PRKACB: variants seen among roughly 807,000 people sequenced by gnomAD.
PRKACB encodes the protein cAMP-dependent protein kinase catalytic subunit beta.
In PRKACB, 16 loss-of-function variants were observed where a neutral mutation model predicts 51.4. That is an observed-to-expected ratio of 0.31 (90% CI 0.21 to 0.47). The LOEUF is 0.47. Among genes scored for constraint, PRKACB ranks in the 20% least tolerant of loss-of-function variants. The pLI, the probability that PRKACB is intolerant of heterozygous loss-of-function variation, is 1.00. For synonymous variants in PRKACB, 147 were observed against 154.4 expected, an observed-to-expected ratio of 0.95 and a Z score of 0.35; for missense variants, 309 against 464.5, an observed-to-expected ratio of 0.67 and a Z score of 3.08.
chr1:84,098,265 A>T (rs2100798135), intron 1 of PRKACB, among the ~76,000 whole-genome samples: 1 of 152,204 alleles, frequency 6.6e-6, no homozygotes, highest in East Asian at 1.9e-4. Flanking sequence ...ATAAATAAAA[A>T]TATTTTCTCC....
At chr1:84,168,986 A>G (rs1432211367) in intron 1 of PRKACB, among the ~76,000 whole-genome samples, 2 of 151,630 alleles carry the variant, frequency 1.3e-5, no homozygotes, top group Non-Finnish European at 3.0e-5. Flanking sequence ...TAATGTAAAT[A>G]TGTGTACGCT....
chr1:84,184,180 T>G (rs758376265), intron 4 of PRKACB, 45 bp downstream of exon 4: 2 of 1,518,570 alleles, frequency 1.3e-6, no homozygotes, highest in Non-Finnish European at 1.8e-6. Context: ...AACCTAAATT[T>G]TTTTTAAGAT....
intron 1 of PRKACB, among the ~76,000 whole-genome samples, chr1:84,168,151 A>G (rs370971958): frequency 6.6e-6 from 1 of 151,634 alleles, no homozygotes; most frequent in African/African-American, 2.4e-5. Context: ...AGAGGATGTC[A>G]TGGAGCTCAA....
chr1:84,219,692 T>G (rs969924102), intron 9 of PRKACB, among the ~76,000 whole-genome samples: 1 of 151,344 alleles, frequency 6.6e-6, no homozygotes. Flanking sequence ...TTCCGCACCA[T>G]GTATTGAAGA....
chr1:84,190,189 A>G (rs956853858), intron 5 of PRKACB, among the ~76,000 whole-genome samples: 2 of 151,974 alleles, frequency 1.3e-5, no homozygotes, highest in African/African-American at 4.8e-5. Context: ...GAACTTAAGA[A>G]CCCAATAAGG....
At chr1:84,226,673 G>T (rs763000244) in intron 9 of PRKACB, among the ~76,000 whole-genome samples, 5 of 151,954 alleles carry the variant, frequency 3.3e-5, no homozygotes, top group African/African-American at 4.8e-5. Context: ...CATTTTGTCT[G>T]TTCCTTTTCA....
rs376585416 is a variant in PRKACB at position 84,211,457 on chromosome 1, T to C, written c.907-2696T>C. Reference sequence around the variant, plus strand: ...TGAGCTAATATACCCACTGGAAAAATGTCATGTTATTTTTAAAGTAGACAG... The same window carrying C: ...TGAGCTAATATACCCACTGGAAAAACGTCATGTTATTTTTAAAGTAGACAG... On this transcript the variant is annotated intron_variant, in intron 8 of 9. Transcript: ENST00000370685. Among the ~76,000 whole-genome samples the C allele has an allele frequency of 2.0e-5, 3 of 152,220 alleles. No individual in the cohort carries two copies. The East Asian group carries it at 5.8e-4, about 29-fold the overall frequency.
rs575077092 is a variant in PRKACB at position 84,153,988 on chromosome 1, C to T, written c.187+9440C>T. On this transcript the variant is annotated intron_variant, in intron 1 of 9. Transcript: ENST00000370685. The stretch of plus-strand genomic sequence containing the variant: ...CTGTACTAATGTATATTCTCACCAA[C>T]AGTGTGCAAGGGTTCTGTTTTCTCC... 7.9e-5 allele frequency among the ~76,000 whole-genome samples: 12 copies of T among 152,206 alleles called. 1 individual carries two copies. Among genetic ancestry groups the T allele is most frequent in the African/African-American group, 2.6e-4 (11 of 41,544 alleles).
chr1:84,164,312 A>G (rs1656709998), intron 1 of PRKACB: 1 of 1,530,188 alleles, frequency 6.5e-7, no homozygotes, highest in South Asian at 1.2e-5. Context: ...AGCACACAGC[A>G]TTTTAATATC....
intron 1 of PRKACB, among the ~76,000 whole-genome samples, chr1:84,128,230 T>G (rs6576960): frequency 0.5 from 74,854 of 151,186 alleles, 18,984 homozygotes; most frequent in Non-Finnish European, 0.56. Flanking sequence ...AATTATTTCT[T>G]TAATGTATGT....
At chr1:84,199,904 G>C (rs1052208947) in intron 7 of PRKACB, among the ~76,000 whole-genome samples, 7 of 152,030 alleles carry the variant, frequency 4.6e-5, no homozygotes, top group Non-Finnish European at 8.8e-5. Flanking sequence ...GCAGTGCAGT[G>C]GCGTGATCTC....
At chr1:84,131,267 C>T (rs992775414) in intron 1 of PRKACB, among the ~76,000 whole-genome samples, 1 of 151,120 alleles carries the variant, frequency 6.6e-6, no homozygotes, top group Non-Finnish European at 1.5e-5. Flanking sequence ...TCGGTTGAAC[C>T]TGGGAGGCAG....
At chr1:84,197,624 T>C in intron 6 of PRKACB, 105 bp from the exon 7 acceptor site, 1 of 708,448 alleles carries the variant, frequency 1.4e-6, no homozygotes, top group South Asian at 2.6e-5. Context: ...TTTTTCCATT[T>C]CTTTCATAGT....
At position 84,236,950 on chromosome 1, in the gene PRKACB, T is replaced by C. The variant is rs900565802; in HGVS notation, c.*1645T>C. On this transcript the variant is annotated 3_prime_UTR_variant, in exon 10 of 10. Transcript: ENST00000370685. The stretch of plus-strand genomic sequence containing the variant: ...TATAATCATTCTATTTGCTTTATTA[T>C]CGGTGCAGGTAGGTCATTAACACCA... 5.3e-5 allele frequency: 8 copies of C among 152,258 alleles called. No individual in the cohort carries two copies. Among genetic ancestry groups the C allele is most frequent in the Non-Finnish European group, 1.2e-4 (8 of 68,000 alleles). The allele number at this position is 152,258 out of a possible 1,614,324, so 9.4% of individuals were successfully genotyped here.
At chr1:84,133,610 T>A (rs1354430024) in intron 1 of PRKACB, among the ~76,000 whole-genome samples, 1 of 152,012 alleles carries the variant, frequency 6.6e-6, no homozygotes, top group Non-Finnish European at 1.5e-5. Flanking sequence ...CACTTGGCTT[T>A]ACTCTGCTTC....
At chr1:84,107,540 AAAC>A (rs1383741545) in intron 1 of PRKACB, among the ~76,000 whole-genome samples, 1 of 152,124 alleles carries the variant, frequency 6.6e-6, no homozygotes, top group Non-Finnish European at 1.5e-5. Flanking sequence ...CAGAATAAAC[AAAC>A]AACCTACAAA....
chr1:84,226,045 C>G (rs924271531), intron 9 of PRKACB, among the ~76,000 whole-genome samples: 1 of 152,068 alleles, frequency 6.6e-6, no homozygotes, highest in Non-Finnish European at 1.5e-5. Context: ...TTTGTCTGTT[C>G]TTGTACTGTA....
intron 8 of PRKACB, 52 bp downstream of exon 8, chr1:84,202,857 G>T (rs749200138): frequency 5.8e-5 from 84 of 1,446,554 alleles, no homozygotes; most frequent in Non-Finnish European, 7.5e-5. Flanking sequence ...TGAATTTTAA[G>T]CTTCATGAAT....
chr1:84,157,834 C>T (rs892426405), intron 1 of PRKACB, among the ~76,000 whole-genome samples: 2 of 151,988 alleles, frequency 1.3e-5, no homozygotes, highest in Admixed American at 6.6e-5. Context: ...TGTTTTTGGC[C>T]ATTTGGATAA....
Sources: allele counts gnomAD v4.1 joint callset (sites outside exome capture counted in the v4.1 genomes callset), GRCh38; gene constraint gnomAD v4.1.1; transcripts MANE v1.5; gene names NCBI Gene and HGNC (gene_info 2026-07-23, HGNC 2026-07-21).